Variants in ZSCAN25 observed in about 807,000 individuals in gnomAD.
ZSCAN25 encodes the protein zinc finger and SCAN domain containing 25, also known as zinc finger and SCAN domain-containing protein 25.
ZSCAN25 carries 27 observed loss-of-function variants against 38.7 expected under a neutral mutation model. That is an observed-to-expected ratio of 0.70 (90% CI 0.51 to 0.96). The LOEUF (loss-of-function observed/expected upper bound fraction) is 0.96, where lower values mean the gene tolerates loss of function less well. ZSCAN25 is among the 40% of genes least tolerant of loss of function. The probability of loss-of-function intolerance (pLI) is 0.00; values close to 1 mark genes in which losing one functional copy is unlikely to be tolerated. For missense variants in ZSCAN25, 637 were observed against 705.9 expected (o/e 0.90, Z 1.11); for synonymous variants, 273 against 277.7 (o/e 0.98, Z 0.17).
chr7:99,635,553 A>G (rs1808240439), downstream of ZSCAN25, among the ~76,000 whole-genome samples: 1 of 152,188 alleles, frequency 6.6e-6, no homozygotes, highest in South Asian at 2.1e-4. Context: ...AGAGTTTTCC[A>G]AATTTCAAAT....
At chr7:99,640,166 T>C in the ZSCAN25 span, among the ~76,000 whole-genome samples, 1 of 152,162 alleles carries the variant, frequency 6.6e-6, no homozygotes, top group South Asian at 2.1e-4. Context: ...TTCTCCTTTA[T>C]TGATTGATTG....
At chr7:99,635,485 C>T (rs894366596), downstream of ZSCAN25, among the ~76,000 whole-genome samples, 9 of 152,058 alleles carry the variant, frequency 5.9e-5, no homozygotes, top group Admixed American at 3.3e-4. Context: ...AATTATAAAC[C>T]TCTTATATCC....
chr7:99,707,879 A>C, the ZSCAN25 span: 1 of 1,614,050 alleles, frequency 6.2e-7, no homozygotes, highest in South Asian at 1.1e-5. Context: ...TTTCATGTTC[A>C]CGAGAGCAAA....
the ZSCAN25 span, chr7:99,665,394 T>C: frequency 6.4e-7 from 1 of 1,550,622 alleles, no homozygotes; most frequent in East Asian, 2.2e-5. Flanking sequence ...GAAACCCACA[T>C]ATCCAGTCAA....
the ZSCAN25 span, among the ~76,000 whole-genome samples, chr7:99,718,071 A>G: frequency 7.2e-5 from 11 of 152,090 alleles, no homozygotes; most frequent in African/African-American, 1.4e-4. Flanking sequence ...AAAATATACA[A>G]TGAGAACACA....
chr7:99,676,157 G>C, the ZSCAN25 span: 1 of 1,613,814 alleles, frequency 6.2e-7, no homozygotes, highest in South Asian at 1.1e-5. Context: ...GCAGAGGTGT[G>C]GGCCCTGGAA....
chr7:99,715,252 A>G, the ZSCAN25 span: 2 of 178,188 alleles, frequency 1.1e-5, no homozygotes, highest in South Asian at 2.4e-4. Context: ...ATGTCATGTT[A>G]TTTAGCAAAC....
the ZSCAN25 span, among the ~76,000 whole-genome samples, chr7:99,729,206 G>A: frequency 6.6e-6 from 1 of 151,952 alleles, no homozygotes; most frequent in East Asian, 1.9e-4. Context: ...TCTTCAATTG[G>A]TTTCTCAATT....
the ZSCAN25 span, chr7:99,647,682 C>A: frequency 1.0e-6 from 1 of 985,194 alleles, no homozygotes; most frequent in Non-Finnish European, 1.2e-6. Context: ...AAACAATGGG[C>A]AAAGTCACAG....
In ZSCAN25 at chr7:99,629,177, C is replaced by T; in HGVS notation, c.806-14C>T. ...CTACCACAGAATCAATCTTTATCTC[C>T]TCCTGTCCTGTAGGCGGTGGGAGCA... On this transcript the variant is annotated splice_polypyrimidine_tract_variant and intron_variant, in intron 7 of 7. Transcript: ENST00000394152. This position sits in a 1 kb window ranked among gnomAD's most constrained non-coding sequence, Gnocchi z 5.6. 6.3e-7 allele frequency: 1 copy of T among 1,593,284 alleles called. No individual in the cohort carries two copies. The highest frequency in any genetic ancestry group is 8.5e-7 in the Non-Finnish European group (1 of 1,170,602).
chr7:99,633,237 T>C (rs1193762264), downstream of ZSCAN25, among the ~76,000 whole-genome samples: 1 of 152,046 alleles, frequency 6.6e-6, no homozygotes, highest in African/African-American at 2.4e-5. Flanking sequence ...TGTAGAAGTG[T>C]TTAGTGGTGT....
chr7:99,670,407 T>C, the ZSCAN25 span, among the ~76,000 whole-genome samples: 1 of 152,232 alleles, frequency 6.6e-6, no homozygotes, highest in African/African-American at 2.4e-5. Context: ...TTTCGACATG[T>C]TGGCTAAACA....
chr7:99,651,891 C>A, the ZSCAN25 span, among the ~76,000 whole-genome samples: 3 of 152,096 alleles, frequency 2.0e-5, no homozygotes, highest in Non-Finnish European at 4.4e-5. Flanking sequence ...ACAGATAGGA[C>A]CAGGAGGACC....
At chr7:99,646,670 C>T in the ZSCAN25 span, among the ~76,000 whole-genome samples, 1 of 152,098 alleles carries the variant, frequency 6.6e-6, no homozygotes, top group Non-Finnish European at 1.5e-5. Flanking sequence ...ATTTCTCTAA[C>T]GAGCTCTGGT....
chr7:99,721,154 G>C, the ZSCAN25 span, among the ~76,000 whole-genome samples: 1 of 152,176 alleles, frequency 6.6e-6, no homozygotes, highest in Non-Finnish European at 1.5e-5. Context: ...CAGCCCACCA[G>C]GGAACACAAT....
At chr7:99,695,681 A>T in the ZSCAN25 span, 1 of 1,369,974 alleles carries the variant, frequency 7.3e-7, no homozygotes, top group Non-Finnish European at 1.0e-6. Flanking sequence ...AAGCAGTTTT[A>T]CTGATGGAAC....
In ZSCAN25 at chr7:99,630,206, A is replaced by G. The variant is rs1807886128; in HGVS notation, c.*186A>G. ...CATAGCTGCTTCCATCTCTTACCCA[A>G]GTGGTGCTAAACAATTTTTCTTCCA... On this transcript the variant is annotated 3_prime_UTR_variant, in exon 8 of 8. Coordinates refer to ENST00000394152, the MANE Select transcript of ZSCAN25 (RefSeq NM_145115.3). 2 of 1,375,628 alleles carry G rather than the reference A, an allele frequency of 1.5e-6. No individual in the cohort carries two copies. Among genetic ancestry groups the G allele is most frequent in the African/African-American group, 2.9e-5 (2 of 68,584 alleles). The allele number at this position is 1,375,628 out of a possible 1,614,324, so 85.2% of individuals were successfully genotyped here.
the ZSCAN25 span, among the ~76,000 whole-genome samples, chr7:99,643,807 G>C: frequency 6.6e-6 from 1 of 151,508 alleles, no homozygotes. Context: ...TTGAAGACCT[G>C]TGGGTTCAGG....
At chr7:99,717,273 C>G in the ZSCAN25 span, 1 of 1,613,880 alleles carries the variant, frequency 6.2e-7, no homozygotes, top group Non-Finnish European at 8.5e-7. Context: ...CATCTAAGCA[C>G]AAAACACAAC....
Sources: gnomAD v4.1 joint callset for allele counts (sites outside exome capture counted in the v4.1 genomes callset) on GRCh38, gnomAD v4.1.1 for gene constraint, Gnocchi (gnomAD v3.1) non-coding constraint, MANE v1.5 for transcripts, NCBI Gene and HGNC (gene_info 2026-07-23, HGNC 2026-07-21) for gene names.